Variants in AP2A1 observed in about 807,000 individuals in gnomAD.
AP2A1 encodes adaptor related protein complex 2 subunit alpha 1, also known as AP-2 complex subunit alpha-1.
Under a neutral mutation model 107.3 loss-of-function variants are expected in AP2A1, and 21 were observed. The ratio of observed to expected loss-of-function variants is 0.20; its 90% CI spans 0.14 to 0.28. The LOEUF (loss-of-function observed/expected upper bound fraction) is 0.28. Among genes scored for constraint, AP2A1 ranks in the 10% least tolerant of loss-of-function variants. The pLI, the probability that AP2A1 is intolerant of heterozygous loss-of-function variation, is 1.00. For synonymous variants in AP2A1, 602 were observed against 564.8 expected, an observed-to-expected ratio of 1.07 and a Z score of -0.93; for missense variants, 873 against 1,307.7, an observed-to-expected ratio of 0.67 and a Z score of 5.13.
rs376888191 is a variant in AP2A1 at position 49,807,110 on chromosome 19, T to C, written c.*352T>C. The C allele has an allele frequency of 3.5e-5, 55 of 1,554,314 alleles. No homozygotes were observed. The highest frequency in any genetic ancestry group is 8.7e-5 in the Admixed American group (5 of 57,242). ...TGTGAGCGAATAAACAGAGAGACGC[T>C]AACAGCCCCATGTCTGTGTCCATCA... is the stretch of plus-strand genomic sequence containing the variant. On this transcript the variant is annotated 3_prime_UTR_variant, in exon 23 of 23. Coordinates refer to ENST00000354293, the MANE Select transcript of AP2A1 (RefSeq NM_130787.3).
At position 49,807,021 on chromosome 19, in the gene AP2A1, CCCCT is replaced by C; in HGVS notation, c.*267_*270del. 1.0e-6 allele frequency: 1 copy of C among 960,856 alleles called. No individual in the cohort carries two copies. The highest frequency in any genetic ancestry group is 1.5e-6 in the Non-Finnish European group (1 of 656,156). The allele number at this position is 960,856 out of a possible 1,614,324, so 59.5% of individuals were successfully genotyped here. ...GGGGCCAGGGAAGTGGATGTCTCCT[CCCCT>C]CCCACCCCACCCTGTTGTAGCCCCT... On this transcript the variant is annotated 3_prime_UTR_variant, in exon 23 of 23. Transcript: ENST00000354293.
intron 1 of AP2A1, among the ~76,000 whole-genome samples, chr19:49,773,161 G>A (rs754031931): frequency 2.6e-5 from 4 of 152,156 alleles, no homozygotes; most frequent in Non-Finnish European, 4.4e-5. Flanking sequence ...TAAGGAGGGG[G>A]AGAGGTTGAG....
At chr19:49,792,195 AC>A in intron 5 of AP2A1, 131 bp downstream of exon 5, 2 of 675,214 alleles carry the variant, frequency 3.0e-6, no homozygotes, top group East Asian at 4.6e-5. Flanking sequence ...CAGCCCACGC[AC>A]CCCCTGGATG....
Position 49,805,523 on chromosome 19 carries a change from T to C in AP2A1, c.2415T>C (p.Asn805=), listed in dbSNP as rs370945493. The C allele has an allele frequency of 7.6e-6, 12 of 1,572,174 alleles. No individual in the cohort carries two copies. The African/African-American group carries it at 9.5e-5, about 12-fold the overall frequency. Residue 805 remains asparagine, a synonymous_variant, in exon 19 of 23, where the codon AAT becomes AAC. Transcript: ENST00000354293. ...DGGAQVQQVL[N]IECLRDFLTP... ...GCGCGCAGGTGCAGCAGGTGCTCAA[T>C]ATCGAGTGCCTGCGGGACTTCCTGA...
Position 49,799,738 on chromosome 19 carries a change from C to A in AP2A1, c.1244C>A (p.Thr415Lys). ...IVSEMLRYLE[T>K]ADYAIREEIV... ...TCGGAGATGCTGCGGTACCTGGAGA[C>A]GGCAGACTACGCCATCCGCGAGGAG... Residue 415 changes from threonine to lysine, a missense_variant, in exon 10 of 23, where the codon ACG (threonine) becomes AAG (lysine). Transcript: ENST00000354293. 6.2e-7 allele frequency: 1 copy of A among 1,613,476 alleles called. No homozygotes were observed. Among genetic ancestry groups the A allele is most frequent in the Non-Finnish European group, 8.5e-7 (1 of 1,179,880 alleles).
At chr19:49,799,870 C>T in intron 10 of AP2A1, 98 bp from the exon 11 acceptor site, 1 of 1,564,024 alleles carries the variant, frequency 6.4e-7, no homozygotes, top group East Asian at 2.3e-5. Context: ...GCCTGGACTC[C>T]TGGGTCTCCA....
At chr19:49,791,761 C>T (rs1388447943) in intron 4 of AP2A1, 174 bp from the exon 5 acceptor site, 3 of 693,256 alleles carry the variant, frequency 4.3e-6, no homozygotes, top group Non-Finnish European at 7.1e-6. Flanking sequence ...GATGAAGACA[C>T]TGAGTCCTGG....
At position 49,805,929 on chromosome 19, in the gene AP2A1, T is replaced by C. The variant is rs1289627410; in HGVS notation, c.2643T>C (p.Val881=). 1 of 1,613,820 alleles carries C rather than the reference T, an allele frequency of 6.2e-7. No homozygotes were observed. Among genetic ancestry groups the C allele is most frequent in the Non-Finnish European group, 8.5e-7 (1 of 1,179,884 alleles). ...CCAACCACCCCATGGACGCAGAAGT[T>C]ACTAAGGCCAAGGTGAGAGACCGCG... ...FKANHPMDAE[V]TKAKLLGFGS... Residue 881 remains valine (V), a synonymous_variant, in exon 21 of 23, where the codon GTT becomes GTC. Transcript: ENST00000354293.
Position 49,795,651 on chromosome 19 carries a change from G to C in AP2A1, c.727G>C (p.Asp243His). 7.9e-7 allele frequency: 1 copy of C among 1,265,200 alleles called. No homozygotes were observed. The highest frequency in any genetic ancestry group is 1.0e-6 in the Non-Finnish European group (1 of 976,930). 78.4% of individuals were successfully genotyped at this position (1,265,200 alleles called of 1,614,324 possible). Residue 243 changes from aspartate to histidine, a missense_variant, in exon 7 of 23, where the codon GAC (aspartate) becomes CAC (histidine). Physicochemically the swap from Asp to His is moderately conservative, Grantham distance 81. Transcript: ENST00000354293. Reference protein sequence around the residue: ...LSRIVSSASTDLQDYTYYFVP... With the variant: ...LSRIVSSASTHLQDYTYYFVP... ...CCAGATCGTCTCCTCTGCCTCCACC[G>C]ACCTCCAGGACTACACCTACTACTT...
chr19:49,777,636 A>G (rs1371752557), intron 1 of AP2A1, among the ~76,000 whole-genome samples: 2 of 147,028 alleles, frequency 1.4e-5, no homozygotes, highest in Non-Finnish European at 3.0e-5. Flanking sequence ...CTCCATCACA[A>G]AAAAAAAAAA....
intron 1 of AP2A1, among the ~76,000 whole-genome samples, chr19:49,776,146 T>G (rs541205791): frequency 1.3e-5 from 2 of 150,724 alleles, no homozygotes; most frequent in East Asian, 3.9e-4. Context: ...CTCAGAAAAC[T>G]CTGGAGAGGC....
intron 1 of AP2A1, among the ~76,000 whole-genome samples, chr19:49,768,699 C>T (rs1482357325): frequency 6.6e-6 from 1 of 151,924 alleles, no homozygotes; most frequent in Non-Finnish European, 1.5e-5. Context: ...TGATAAGGGG[C>T]GGGGCTATGG....
In AP2A1 at chr19:49,807,019, C is replaced by CT; in HGVS notation, c.*262dup. On this transcript the variant is annotated 3_prime_UTR_variant, in exon 23 of 23. Coordinates refer to ENST00000354293, the MANE Select transcript of AP2A1 (RefSeq NM_130787.3). The stretch of plus-strand genomic sequence containing the variant: ...GAGGGGCCAGGGAAGTGGATGTCTC[C>CT]TCCCCTCCCACCCCACCCTGTTGTA... 1.3e-6 allele frequency: 2 copies of CT among 1,500,400 alleles called. No homozygotes were observed. The highest frequency in any genetic ancestry group is 2.0e-5 in the Admixed American group (1 of 50,150). 92.9% of individuals were successfully genotyped at this position (1,500,400 alleles called of 1,614,324 possible).
intron 8 of AP2A1, 108 bp downstream of exon 8, chr19:49,799,060 G>C (rs757260297): frequency 1.4e-6 from 2 of 1,435,802 alleles, no homozygotes; most frequent in Non-Finnish European, 1.9e-6. Context: ...TGACTTTTAG[G>C]TAGGGTAGGA....
At chr19:49,795,599 C>T (rs1187035792) in intron 6 of AP2A1, 31 bp from the exon 7 acceptor site, 2 of 1,138,466 alleles carry the variant, frequency 1.8e-6, no homozygotes, top group Non-Finnish European at 2.6e-6. Context: ...CCACCCCAGC[C>T]CCCAACTTAT....
intron 4 of AP2A1, among the ~76,000 whole-genome samples, chr19:49,783,868 C>T (rs1393736405): frequency 3.3e-5 from 5 of 152,214 alleles, no homozygotes; most frequent in East Asian, 1.9e-4. Flanking sequence ...AACGTTGGCA[C>T]GGAGCAGCCC....
intron 6 of AP2A1, 25 bp from the exon 7 acceptor site, chr19:49,795,605 C>CCT: frequency 3.7e-6 from 3 of 812,234 alleles, no homozygotes; most frequent in East Asian, 4.2e-5. Flanking sequence ...CAGCCCCCAA[C>CCT]TTATTTCTTG....
intron 1 of AP2A1, among the ~76,000 whole-genome samples, chr19:49,775,953 G>A (rs1291227076): frequency 6.6e-6 from 1 of 152,164 alleles, no homozygotes; most frequent in Non-Finnish European, 1.5e-5. Context: ...TTTAGGGAAG[G>A]CGTTATCTCC....
At position 49,799,688 on chromosome 19, in the gene AP2A1, C is replaced by T. The variant is rs368684290; in HGVS notation, c.1194C>T (p.Asp398=). 38 of 1,613,144 alleles carry T rather than the reference C, an allele frequency of 2.4e-5. 2 individuals carry two copies. The highest frequency in any genetic ancestry group is 1.8e-4 in the Admixed American group (11 of 60,022). The change falls in exon 10 of 23, where the codon GAC becomes GAT. Residue 398 remains aspartate, a synonymous_variant. Coordinates refer to ENST00000354293, the MANE Select transcript of AP2A1 (RefSeq NM_130787.3). Reference sequence around the variant, plus strand: ...CTGACCTCCTCTACGCCATGTGTGACCGGAGCAATGCCAAGCAGATCGTGT... The same window carrying T: ...CTGACCTCCTCTACGCCATGTGTGATCGGAGCAATGCCAAGCAGATCGTGT... The part of the protein sequence containing the change: ...RAADLLYAMC[D]RSNAKQIVSE...
Sources: allele counts gnomAD v4.1 joint callset (sites outside exome capture counted in the v4.1 genomes callset), GRCh38; gene constraint gnomAD v4.1.1; transcripts MANE v1.5; gene names NCBI Gene and HGNC (gene_info 2026-07-23, HGNC 2026-07-21).